Variants in XPR1 observed in about 807,000 individuals in gnomAD.
XPR1 encodes solute carrier family 53 member 1.
Under a neutral mutation model 87.5 loss-of-function variants are expected in XPR1, and 28 were observed. The observed-to-expected ratio is 0.32, with a 90% CI of 0.24 to 0.44. The LOEUF (loss-of-function observed/expected upper bound fraction) is 0.44. XPR1 is among the 20% of genes least tolerant of loss of function. The probability of loss-of-function intolerance (pLI) is 1.00; values close to 1 mark genes in which losing one functional copy is unlikely to be tolerated. For synonymous variants in XPR1, 300 were observed against 306.1 expected (o/e 0.98, Z 0.21); for missense variants, 559 against 862.3 (o/e 0.65, Z 4.41).
chr1:180,873,746 T>C (rs1292463062), intron 12 of XPR1, 57 bp from the exon 13 acceptor site: 1 of 1,579,876 alleles, frequency 6.3e-7, no homozygotes, highest in African/African-American at 1.3e-5. Flanking sequence ...CTCATTGGTA[T>C]GCCTATTTAT....
chr1:180,659,171 A>G (rs1172714846), intron 1 of XPR1, among the ~76,000 whole-genome samples: 2 of 112,894 alleles, frequency 1.8e-5, no homozygotes, highest in Non-Finnish European at 3.3e-5. Flanking sequence ...AGTGTTCACT[A>G]GGGATATTGG....
chr1:180,865,119 T>C (rs1652343633), intron 12 of XPR1, among the ~76,000 whole-genome samples: 2 of 152,114 alleles, frequency 1.3e-5, no homozygotes, highest in Admixed American at 6.5e-5. Context: ...ATTCAAAGAA[T>C]GATATGTAGA....
chr1:180,708,584 A>AT (rs570934811), intron 2 of XPR1, among the ~76,000 whole-genome samples: 158 of 147,838 alleles, frequency 1.1e-3, no homozygotes, highest in African/African-American at 3.2e-3. Flanking sequence ...TTGCAAGGTG[A>AT]TTTTTTTTTT....
intron 1 of XPR1, among the ~76,000 whole-genome samples, chr1:180,649,374 T>C (rs1655221737): frequency 6.6e-6 from 1 of 151,910 alleles, no homozygotes; most frequent in African/African-American, 2.4e-5. Context: ...GAGCTTGCAG[T>C]GAGCCAAGAT....
intron 2 of XPR1, among the ~76,000 whole-genome samples, chr1:180,722,158 C>A (rs1273535368): frequency 6.6e-6 from 1 of 152,058 alleles, no homozygotes; most frequent in African/African-American, 2.4e-5. Context: ...TTCCCAGTTA[C>A]TCTAGAGGCT....
At chr1:180,782,847 T>C (rs1448457346) in intron 2 of XPR1, among the ~76,000 whole-genome samples, 3 of 151,710 alleles carry the variant, frequency 2.0e-5, no homozygotes, top group Non-Finnish European at 4.4e-5. Flanking sequence ...TCTATAAAAC[T>C]TATATTGATA....
rs1377234630 is a variant in XPR1, at chr1:180,806,557, G to A, written c.681G>A (p.Gln227=). The A allele has an allele frequency of 7.5e-6, 12 of 1,609,568 alleles. No individual in the cohort carries two copies. The highest frequency in any genetic ancestry group is 1.3e-5 in the African/African-American group (1 of 74,850). Residue 227 remains glutamine, a splice_region_variant and synonymous_variant, in exon 6 of 15, where the codon CAG becomes CAA. Coordinates refer to ENST00000367590, the MANE Select transcript of XPR1 (RefSeq NM_004736.4). ...RLRVPPLGAA[Q]PAPAWTTFRV... is the part of the protein sequence containing the mutation. ...GTGTCCCCCCTTTGGGAGCTGCTCA[G>A]GTTAGTATTTGGTTCCAGTAGTTTG...
chr1:180,635,109 TGTG>T (rs1430147608), intron 1 of XPR1, among the ~76,000 whole-genome samples: 4 of 152,126 alleles, frequency 2.6e-5, no homozygotes, highest in Non-Finnish European at 4.4e-5. Flanking sequence ...AAAAATAAGT[TGTG>T]GTGTTCATAG....
intron 2 of XPR1, among the ~76,000 whole-genome samples, chr1:180,765,952 G>T (rs886487710): frequency 6.6e-6 from 1 of 151,622 alleles, no homozygotes; most frequent in African/African-American, 2.4e-5. Context: ...GTTCTTTGGT[G>T]CAGAAATTTA....
chr1:180,660,948 G>C (rs992178753), intron 1 of XPR1, among the ~76,000 whole-genome samples: 8 of 152,222 alleles, frequency 5.3e-5, no homozygotes, highest in African/African-American at 1.9e-4. Flanking sequence ...GTGGGGTGTT[G>C]AGATCTCCAG....
At chr1:180,812,045 A>C (rs1191377516) in intron 7 of XPR1, among the ~76,000 whole-genome samples, 6 of 152,250 alleles carry the variant, frequency 3.9e-5, no homozygotes, top group African/African-American at 1.4e-4. Flanking sequence ...CAAAGGAAGC[A>C]TAATCTTACT....
At chr1:180,733,962 C>A (rs1418728575) in intron 2 of XPR1, among the ~76,000 whole-genome samples, 2 of 152,090 alleles carry the variant, frequency 1.3e-5, no homozygotes. Context: ...TCGTAACAAT[C>A]CTTTGAGGAC....
At chr1:180,742,077 T>A (rs1658939646) in intron 2 of XPR1, among the ~76,000 whole-genome samples, 1 of 152,130 alleles carries the variant, frequency 6.6e-6, no homozygotes, top group African/African-American at 2.4e-5. Context: ...TTTTTTTAAA[T>A]CAATTATATT....
chr1:180,690,031 C>T (rs560776496), intron 2 of XPR1, among the ~76,000 whole-genome samples: 21 of 152,032 alleles, frequency 1.4e-4, no homozygotes, highest in Non-Finnish European at 2.5e-4. Flanking sequence ...TGGCGCATGC[C>T]TGTAAACCTG....
chr1:180,728,756 T>C (rs1196167913), intron 2 of XPR1, among the ~76,000 whole-genome samples: 1 of 152,254 alleles, frequency 6.6e-6, no homozygotes, highest in African/African-American at 2.4e-5. Context: ...CGAATACAAA[T>C]GGCCTCATAT....
chr1:180,785,511 G>A (rs1649107279), intron 2 of XPR1, among the ~76,000 whole-genome samples: 1 of 151,908 alleles, frequency 6.6e-6, no homozygotes. Context: ...CTGATTCATG[G>A]GTAGAATATT....
chr1:180,773,173 C>G (rs1390057565), intron 2 of XPR1, among the ~76,000 whole-genome samples: 1 of 152,012 alleles, frequency 6.6e-6, no homozygotes, highest in African/African-American at 2.4e-5. Context: ...AAGAGGGTGG[C>G]AGATGACTAG....
chr1:180,800,343 A>G (rs1175681725), intron 3 of XPR1, among the ~76,000 whole-genome samples: 1 of 152,232 alleles, frequency 6.6e-6, no homozygotes, highest in Non-Finnish European at 1.5e-5. Context: ...TATGAGAGGG[A>G]CTTGAAATGA....
At chr1:180,695,322 T>C (rs1657125250) in intron 2 of XPR1, among the ~76,000 whole-genome samples, 1 of 152,122 alleles carries the variant, frequency 6.6e-6, no homozygotes, top group Non-Finnish European at 1.5e-5. Context: ...TTTGCAGATA[T>C]TTTCTCCCAC....
Sources: allele counts gnomAD v4.1 joint callset (sites outside exome capture counted in the v4.1 genomes callset), GRCh38; gene constraint gnomAD v4.1.1; transcripts MANE v1.5; gene names NCBI Gene and HGNC (gene_info 2026-07-23, HGNC 2026-07-21).